CDK19: variants seen among roughly 807,000 people sequenced by gnomAD.
CDK19 encodes cyclin-dependent kinase 19.
A neutral mutation model predicts 68.3 loss-of-function variants in CDK19; 20 were observed. That is an observed-to-expected ratio of 0.29 (90% CI 0.21 to 0.43). The LOEUF (loss-of-function observed/expected upper bound fraction) is 0.43. Ranked by LOEUF, CDK19 falls within the 20% of genes least tolerant of loss-of-function variation. The pLI, the probability that CDK19 is intolerant of heterozygous loss-of-function variation, is 1.00. For synonymous variants in CDK19, 221 were observed against 222.8 expected, an observed-to-expected ratio of 0.99 and a Z score of 0.07; for missense variants, 339 against 623.5, an observed-to-expected ratio of 0.54 and a Z score of 4.86.
intron 2 of CDK19, among the ~76,000 whole-genome samples, chr6:110,705,408 T>C (rs1234053280): frequency 6.6e-6 from 1 of 152,180 alleles, no homozygotes; most frequent in East Asian, 1.9e-4. Flanking sequence ...TTAGTGATCC[T>C]GGTTATCTGG....
chr6:110,683,609 T>C (rs1475998452), intron 2 of CDK19, among the ~76,000 whole-genome samples: 1 of 152,178 alleles, frequency 6.6e-6, no homozygotes, highest in Non-Finnish European at 1.5e-5. Context: ...AAGAGAGATA[T>C]CTGAAACCAA....
rs571208362 is a variant in CDK19, at chr6:110,757,803, T to C, written c.129-11602A>G. On this transcript the variant is annotated intron_variant, in intron 1 of 12. Transcript: ENST00000368911. The stretch of plus-strand genomic sequence containing the variant: ...GGCATTCAAGGCAGCTGAATGTAGG[T>C]GTTCACTGTTCTAAAGTAAACTTTT... 1.2e-3 allele frequency among the ~76,000 whole-genome samples: 176 copies of C among 152,300 alleles called. 1 individual carries two copies. Among genetic ancestry groups the C allele is most frequent in the African/African-American group, 4.1e-3 (170 of 41,562 alleles).
intron 2 of CDK19, among the ~76,000 whole-genome samples, chr6:110,680,843 A>G (rs1771949904): frequency 6.6e-6 from 1 of 152,008 alleles, no homozygotes; most frequent in Non-Finnish European, 1.5e-5. Context: ...CTAAAAATAC[A>G]AAAATTAGCC....
intron 1 of CDK19, among the ~76,000 whole-genome samples, chr6:110,812,356 T>A (rs2115166312): frequency 6.6e-6 from 1 of 152,158 alleles, no homozygotes; most frequent in African/African-American, 2.4e-5. Flanking sequence ...TCTCCTGACC[T>A]CGTGATCCAC....
intron 4 of CDK19, among the ~76,000 whole-genome samples, chr6:110,658,352 G>A (rs1347875584): frequency 7.2e-5 from 11 of 152,128 alleles, no homozygotes; most frequent in Non-Finnish European, 1.6e-4. Context: ...AGATATCCAG[G>A]CCATACTTTG....
At chr6:110,640,707 T>C (rs1417881226) in intron 4 of CDK19, among the ~76,000 whole-genome samples, 2 of 152,092 alleles carry the variant, frequency 1.3e-5, no homozygotes, top group African/African-American at 4.8e-5. Flanking sequence ...TCCCAGCACT[T>C]TGGGAAGTCG....
intron 5 of CDK19, among the ~76,000 whole-genome samples, chr6:110,635,537 TC>T (rs1323544011): frequency 5.3e-5 from 8 of 151,930 alleles, no homozygotes; most frequent in Admixed American, 6.6e-5. Flanking sequence ...TCTTACCCAC[TC>T]CCCCTCCCCC....
At chr6:110,704,635 A>T (rs1454542026) in intron 2 of CDK19, among the ~76,000 whole-genome samples, 1 of 152,260 alleles carries the variant, frequency 6.6e-6, no homozygotes, top group Admixed American at 6.5e-5. Flanking sequence ...GGTAAAGTGT[A>T]AAGTCATTCC....
At chr6:110,814,554 C>A (rs755186030) in intron 1 of CDK19, 4 of 456,022 alleles carry the variant, frequency 8.8e-6, no homozygotes, top group South Asian at 6.2e-5. Context: ...ACAGGCTCCC[C>A]GGCGAGGTTT....
At chr6:110,738,793 A>G (rs1186122025) in intron 2 of CDK19, among the ~76,000 whole-genome samples, 1 of 152,162 alleles carries the variant, frequency 6.6e-6, no homozygotes, top group Non-Finnish European at 1.5e-5. Context: ...TGCCAAGAGG[A>G]AAGTTCCAAG....
At chr6:110,623,890 T>C (rs1778905510) in intron 8 of CDK19, among the ~76,000 whole-genome samples, 1 of 46,698 alleles carries the variant, frequency 2.1e-5, no homozygotes, top group African/African-American at 1.4e-4. Context: ...TATATATATA[T>C]GTGTGTGTAT....
chr6:110,800,835 G>T (rs191340549), intron 1 of CDK19, among the ~76,000 whole-genome samples: 51 of 152,156 alleles, frequency 3.4e-4, no homozygotes, highest in African/African-American at 1.1e-3. Context: ...CAAAGCCACA[G>T]CCAACATCAT....
At chr6:110,768,078 A>G (rs1779718215) in intron 1 of CDK19, among the ~76,000 whole-genome samples, 1 of 152,228 alleles carries the variant, frequency 6.6e-6, no homozygotes, top group Non-Finnish European at 1.5e-5. Flanking sequence ...CAATTAAAAA[A>G]TAAGCAAAAG....
intron 1 of CDK19, among the ~76,000 whole-genome samples, chr6:110,746,917 T>A (rs1289259308): frequency 6.6e-6 from 1 of 152,192 alleles, no homozygotes; most frequent in Non-Finnish European, 1.5e-5. Flanking sequence ...TGTTAAAATA[T>A]TAACAGTATG....
At chr6:110,764,596 C>A (rs1182745881) in intron 1 of CDK19, among the ~76,000 whole-genome samples, 3 of 152,278 alleles carry the variant, frequency 2.0e-5, no homozygotes, top group Admixed American at 6.5e-5. Flanking sequence ...AGACCTTACA[C>A]CCTGCACAAA....
intron 4 of CDK19, among the ~76,000 whole-genome samples, chr6:110,648,420 T>A (rs544996616): frequency 6.6e-6 from 1 of 151,890 alleles, no homozygotes; most frequent in African/African-American, 2.4e-5. Context: ...AGCTAGGAAA[T>A]ATAATTTTTC....
intron 2 of CDK19, among the ~76,000 whole-genome samples, chr6:110,724,498 T>C (rs1261920282): frequency 6.6e-6 from 1 of 152,130 alleles, no homozygotes; most frequent in Admixed American, 6.6e-5. Flanking sequence ...TCGGTCTACC[T>C]GGAAAAGTTC....
intron 1 of CDK19, among the ~76,000 whole-genome samples, chr6:110,781,775 T>C (rs547902946): frequency 3.2e-4 from 47 of 146,236 alleles, no homozygotes; most frequent in Admixed American, 9.1e-4. Flanking sequence ...GCTCAGGAGG[T>C]GGAAGCTGCG....
chr6:110,787,594 C>T (rs995101143), intron 1 of CDK19, among the ~76,000 whole-genome samples: 1 of 151,936 alleles, frequency 6.6e-6, no homozygotes, highest in Non-Finnish European at 1.5e-5. Flanking sequence ...CTCTAGGTAA[C>T]GTGCCACCAT....
Sources: allele counts gnomAD v4.1 joint callset (sites outside exome capture counted in the v4.1 genomes callset), GRCh38; gene constraint gnomAD v4.1.1; transcripts MANE v1.5; gene names NCBI Gene and HGNC (gene_info 2026-07-23, HGNC 2026-07-21).